THRAP3: variants seen among roughly 807,000 people sequenced by gnomAD.
THRAP3 encodes thyroid hormone receptor-associated protein 3.
A neutral mutation model predicts 101.0 loss-of-function variants in THRAP3; 16 were observed. The ratio of observed to expected loss-of-function variants is 0.16; its 90% CI spans 0.11 to 0.24. The LOEUF (loss-of-function observed/expected upper bound fraction) is 0.24. Ranked by LOEUF, THRAP3 falls within the 10% of genes least tolerant of loss-of-function variation. THRAP3 has a pLI of 1.00. For synonymous variants in THRAP3, 407 were observed against 422.6 expected, an observed-to-expected ratio of 0.96 and a Z score of 0.45; for missense variants, 989 against 1,202.7, an observed-to-expected ratio of 0.82 and a Z score of 2.63.
At chr1:36,261,985 C>T (rs753690165) in intron 2 of THRAP3, among the ~76,000 whole-genome samples, 1 of 152,072 alleles carries the variant, frequency 6.6e-6, no homozygotes, top group African/African-American at 2.4e-5. Context: ...ATTGGGTTCT[C>T]AATTTGAAGA....
At chr1:36,212,418 C>CT in the THRAP3 span, among the ~76,000 whole-genome samples, 3,073 of 121,946 alleles carry the variant, frequency 0.025, 96 homozygotes, top group African/African-American at 0.056. Context: ...TTCTTTCTTT[C>CT]TTTTTTTTTT....
chr1:36,223,454 A>T (rs1000427809), upstream of THRAP3, among the ~76,000 whole-genome samples: 1 of 152,222 alleles, frequency 6.6e-6, no homozygotes, highest in Non-Finnish European at 1.5e-5. Context: ...GAAGGCCCCG[A>T]TACTTACAGA....
In THRAP3 at chr1:36,266,950, G is replaced by A. The variant is rs561144827; in HGVS notation, c.-32+7466G>A. Among the ~76,000 whole-genome samples, 49 of 151,584 alleles carry A rather than the reference G, an allele frequency of 3.2e-4. No homozygotes were observed. In the East Asian group the frequency reaches 9.3e-3, roughly 29 times the overall value. On this transcript the variant is annotated intron_variant, in intron 2 of 11. Transcript: ENST00000354618. ...GGCTGGAGTGCAGTGGCACGATCTT[G>A]GCTCACTGCAGCCTCCGCCTCCTGG...
intron 1 of THRAP3, among the ~76,000 whole-genome samples, chr1:36,242,544 A>G (rs1645174802): frequency 6.9e-6 from 1 of 144,078 alleles, no homozygotes; most frequent in South Asian, 2.1e-4. Context: ...GCTCTGCCTC[A>G]TGGGTTCACG....
At chr1:36,228,264 C>T (rs905843984) in intron 1 of THRAP3, among the ~76,000 whole-genome samples, 15 of 151,870 alleles carry the variant, frequency 9.9e-5, no homozygotes, top group African/African-American at 3.4e-4. Context: ...GTCACCCAGG[C>T]TGGAGTGCAA....
At chr1:36,231,914 A>G (rs1488059559) in intron 1 of THRAP3, among the ~76,000 whole-genome samples, 3 of 152,168 alleles carry the variant, frequency 2.0e-5, no homozygotes, top group Non-Finnish European at 4.4e-5. Flanking sequence ...GGGTTGCCCA[A>G]TAGAGAAAAA....
chr1:36,214,556 T>C, the THRAP3 span, among the ~76,000 whole-genome samples: 28 of 152,248 alleles, frequency 1.8e-4, no homozygotes, highest in South Asian at 5.6e-3. Flanking sequence ...ACCATAGTAA[T>C]CCTTTAAAAA....
chr1:36,286,936 G>C lies in THRAP3; in HGVS notation c.706G>C (p.Ala236Pro). The change falls in exon 4 of 12, where the codon GCC becomes CCC. Residue 236 changes from alanine (A) to proline (P), a missense_variant. Coordinates refer to ENST00000354618, the MANE Select transcript of THRAP3 (RefSeq NM_005119.4). The surrounding 1 kb of genome is among the most constrained non-coding windows in gnomAD (Gnocchi z 5.5). ...CTACGGCACTGGTTCTGCATCACGG[G>C]CCTCAGCAGTTTCTGAGCTGAGTCC... ...ATYGTGSASR[A>P]SAVSELSPRE... is the part of the protein sequence containing the mutation. 6.2e-7 allele frequency: 1 copy of C among 1,614,234 alleles called. No homozygotes were observed. Among genetic ancestry groups the C allele is most frequent in the Non-Finnish European group, 8.5e-7 (1 of 1,180,036 alleles).
rs1646081431 is a variant in THRAP3, at chr1:36,304,931, A to G, written c.*914A>G. The G allele has an allele frequency of 4.8e-6, 1 of 208,190 alleles. No individual in the cohort carries two copies. Among genetic ancestry groups the G allele is most frequent in the African/African-American group, 2.3e-5 (1 of 43,924 alleles). 12.9% of individuals were successfully genotyped at this position (208,190 alleles called of 1,614,324 possible). On this transcript the variant is annotated 3_prime_UTR_variant, in exon 12 of 12. Transcript: ENST00000354618. ...ATATTTTTTATTAATCTTTTTATAA[A>G]ATGAAAAGAAACTCCTATGATCGAT...
In THRAP3 at chr1:36,304,459, T is replaced by C. The variant is rs1227917434; in HGVS notation, c.*442T>C. On this transcript the variant is annotated 3_prime_UTR_variant, in exon 12 of 12. Transcript: ENST00000354618. ...AAAAGCCCCCTCCTTTTTTTTTTTT[T>C]TTTTCTTTTTTTAGGCATATGTAGT... The C allele has an allele frequency of 1.8e-5, 4 of 227,612 alleles. No individual in the cohort carries two copies. The highest frequency in any genetic ancestry group is 4.5e-5 in the African/African-American group (2 of 44,692). The allele number at this position is 227,612 out of a possible 1,614,324, so 14.1% of individuals were successfully genotyped here.
intron 1 of THRAP3, chr1:36,225,148 T>C (rs1348277100): frequency 6.6e-6 from 1 of 152,242 alleles, no homozygotes; most frequent in Non-Finnish European, 1.5e-5. Context: ...TTTTATCAAC[T>C]GTTGTCTTTG....
At chr1:36,216,042 C>T in the THRAP3 span, among the ~76,000 whole-genome samples, 3 of 152,130 alleles carry the variant, frequency 2.0e-5, no homozygotes, top group South Asian at 6.2e-4. Context: ...AGCCACAGCG[C>T]CCAGCCAATA....
chr1:36,224,923 A>C (rs1162547350), intron 1 of THRAP3: 1 of 152,244 alleles, frequency 6.6e-6, no homozygotes, highest in Non-Finnish European at 1.5e-5. Flanking sequence ...CCTAGGGCGC[A>C]TGTGGCTGCC....
At position 36,235,394 on chromosome 1, in the gene THRAP3, A is replaced by T. The variant is rs144132591; in HGVS notation, c.-135+10889A>T. ...AGAAACACTCAGAACCCTCAACCCC[A>T]CAGCAGTTGGAAAGAACAAAGGATA... On this transcript the variant is annotated intron_variant, in intron 1 of 11. Coordinates refer to ENST00000354618, the MANE Select transcript of THRAP3 (RefSeq NM_005119.4). 1.1e-4 allele frequency among the ~76,000 whole-genome samples: 17 copies of T among 152,304 alleles called. No individual in the cohort carries two copies. In the East Asian group the frequency reaches 3.3e-3, roughly 29 times the overall value.
chr1:36,211,493 G>A, the THRAP3 span, among the ~76,000 whole-genome samples: 49 of 152,204 alleles, frequency 3.2e-4, no homozygotes, highest in African/African-American at 1.0e-3. Context: ...AGCCATATTC[G>A]TACCACTTCA....
At chr1:36,227,562 C>T (rs989140428) in intron 1 of THRAP3, among the ~76,000 whole-genome samples, 2 of 152,180 alleles carry the variant, frequency 1.3e-5, no homozygotes, top group Non-Finnish European at 2.9e-5. Flanking sequence ...GGATTACAGG[C>T]ATAAGCTACT....
At chr1:36,208,879 C>A in the THRAP3 span, among the ~76,000 whole-genome samples, 4 of 148,964 alleles carry the variant, frequency 2.7e-5, no homozygotes, top group Non-Finnish European at 4.4e-5. Flanking sequence ...GTTGGCCAGG[C>A]TGGTCTTGAA....
At chr1:36,224,955 C>T (rs1389685676) in intron 1 of THRAP3, 1 of 152,326 alleles carries the variant, frequency 6.6e-6, no homozygotes, top group Non-Finnish European at 1.5e-5. Context: ...GTTAGTACCG[C>T]TTCCGTTCTT....
intron 1 of THRAP3, among the ~76,000 whole-genome samples, chr1:36,235,536 G>A (rs940790896): frequency 2.6e-4 from 39 of 152,148 alleles, no homozygotes; most frequent in African/African-American, 8.9e-4. Context: ...AGTCTCATAT[G>A]AAAACCAGAG....
Sources: gnomAD v4.1 joint callset for allele counts (sites outside exome capture counted in the v4.1 genomes callset) on GRCh38, gnomAD v4.1.1 for gene constraint, Gnocchi (gnomAD v3.1) non-coding constraint, MANE v1.5 for transcripts, NCBI Gene and HGNC (gene_info 2026-07-23, HGNC 2026-07-21) for gene names.